The following PKM variants were observed in gnomAD, a reference collection of about 807,000 sequenced individuals.
PKM encodes the protein pyruvate kinase M1/2, also known as pyruvate kinase PKM.
A neutral mutation model predicts 49.8 loss-of-function variants in PKM; 18 were observed. The ratio of observed to expected loss-of-function variants is 0.36; its 90% CI spans 0.25 to 0.54. The LOEUF (loss-of-function observed/expected upper bound fraction) is 0.54, where lower values mean the gene tolerates loss of function less well. Ranked by LOEUF, PKM falls within the 20% of genes least tolerant of loss-of-function variation. The pLI is 0.89. For missense variants in PKM, 508 were observed against 713.8 expected, an observed-to-expected ratio of 0.71 and a Z score of 3.28; for synonymous variants, 239 against 261.8, an observed-to-expected ratio of 0.91 and a Z score of 0.84.
intron 3 of PKM, among the ~76,000 whole-genome samples, chr15:72,217,145 T>G (rs899381609): frequency 2.6e-5 from 4 of 152,178 alleles, no homozygotes; most frequent in African/African-American, 9.7e-5. Flanking sequence ...TATCTTCCTT[T>G]GTAAAAGCTA....
chr15:72,221,312 G>C, intron 1 of PKM: 1 of 1,381,738 alleles, frequency 7.2e-7, no homozygotes, highest in Non-Finnish European at 9.9e-7. Flanking sequence ...AAAAAGCTGA[G>C]TGTAACTAAA....
At chr15:72,221,212 T>C in intron 1 of PKM, 9 of 1,535,380 alleles carry the variant, frequency 5.9e-6, no homozygotes, top group Non-Finnish European at 7.8e-6. Flanking sequence ...AATGCTCCCC[T>C]TTTGGCTCAG....
chr15:72,212,797 C>T (rs1279572512), intron 3 of PKM, among the ~76,000 whole-genome samples: 3 of 152,110 alleles, frequency 2.0e-5, no homozygotes, highest in Non-Finnish European at 2.9e-5. Flanking sequence ...TCAGGCCAGG[C>T]GCAGTGGCTC....
intron 3 of PKM, among the ~76,000 whole-genome samples, chr15:72,212,894 AC>A (rs1025258995): frequency 6.6e-6 from 1 of 152,040 alleles, no homozygotes; most frequent in East Asian, 1.9e-4. Context: ...ACATGGTGAA[AC>A]CCCGTCTCTA....
intron 8 of PKM, among the ~76,000 whole-genome samples, chr15:72,205,766 T>C (rs2082061570): frequency 6.6e-6 from 1 of 150,810 alleles, no homozygotes; most frequent in African/African-American, 2.4e-5. Flanking sequence ...AGGAAAACCA[T>C]ATCTGGATAA....
intron 1 of PKM, among the ~76,000 whole-genome samples, chr15:72,229,019 G>A (rs2082766414): frequency 6.6e-6 from 1 of 152,178 alleles, no homozygotes; most frequent in South Asian, 2.1e-4. Context: ...CAAGCAGAGA[G>A]TTGGAAAGTT....
intron 1 of PKM, among the ~76,000 whole-genome samples, chr15:72,225,396 G>T (rs2082641200): frequency 6.6e-6 from 1 of 151,722 alleles, no homozygotes; most frequent in Non-Finnish European, 1.5e-5. Flanking sequence ...TGCCCAGGCT[G>T]GTCTCGACCT....
At chr15:72,212,600 T>C (rs1032572195) in intron 3 of PKM, among the ~76,000 whole-genome samples, 4 of 152,178 alleles carry the variant, frequency 2.6e-5, no homozygotes, top group African/African-American at 4.8e-5. Context: ...ACAAAGTACA[T>C]GGTAATTATC....
chr15:72,208,624 C>T lies in PKM; in HGVS notation c.833G>A (p.Arg278Gln), dbSNP rs147032160. ...ISKIENHEGVRRFDEILEASD... is the reference protein window; with the variant it reads ...ISKIENHEGVQRFDEILEASD... ...AGCAGGGACAACGGGGACTTGCCTC[C>T]GAACCCCCTCATGATTCTCGATTTT... The change falls in exon 6 of 11, where the codon CGG becomes CAG. Residue 278 changes from arginine (R) to glutamine (Q), a missense_variant. Physicochemically the swap from Arg to Gln is conservative, Grantham distance 43. Transcript: ENST00000335181. 125 of 1,613,872 alleles carry T rather than the reference C, an allele frequency of 7.7e-5. No individual in the cohort carries two copies. Among genetic ancestry groups the T allele is most frequent in the Non-Finnish European group, 8.3e-5 (98 of 1,179,996 alleles).
At chr15:72,218,510 C>A (rs1461805930) in intron 2 of PKM, among the ~76,000 whole-genome samples, 1 of 152,034 alleles carries the variant, frequency 6.6e-6, no homozygotes, top group African/African-American at 2.4e-5. Flanking sequence ...CAACTTCAAT[C>A]TCCTGGACTC....
chr15:72,218,897 C>A, intron 2 of PKM, 47 bp downstream of exon 2: 1 of 1,598,314 alleles, frequency 6.3e-7, no homozygotes, highest in South Asian at 1.1e-5. Flanking sequence ...AGAGAAAGGT[C>A]ACTGCCCATG....
Position 72,206,832 on chromosome 15 carries a change from T to C in PKM, c.1036A>G (p.Ser346Gly). 3 of 1,614,174 alleles carry C rather than the reference T, an allele frequency of 1.9e-6. No individual in the cohort carries two copies. Among genetic ancestry groups the C allele is most frequent in the Non-Finnish European group, 2.5e-6 (3 of 1,180,006 alleles). ...KKPRPTRAEGSDVANAVLDGA... is the reference protein window; with the variant it reads ...KKPRPTRAEGGDVANAVLDGA... ...TCCAGGACTGCATTGGCCACATCAC[T>C]GCCTTCAGCCCGAGTGGGGCGGGGC... The change falls in exon 8 of 11, where the codon AGT becomes GGT. Residue 346 changes from serine (S) to glycine (G), a missense_variant. Coordinates refer to ENST00000335181, the MANE Select transcript of PKM (RefSeq NM_002654.6).
At chr15:72,227,659 T>C (rs781634738) in intron 1 of PKM, among the ~76,000 whole-genome samples, 1 of 142,612 alleles carries the variant, frequency 7.0e-6, no homozygotes, top group Non-Finnish European at 1.5e-5. Flanking sequence ...GGCAGGAGAA[T>C]TGCTTGAACC....
At chr15:72,219,236 G>A (rs927817298) in intron 1 of PKM, 126 bp from the exon 2 acceptor site, 1 of 830,322 alleles carries the variant, frequency 1.2e-6, no homozygotes, top group Non-Finnish European at 1.9e-6. Context: ...AAGCCACAGG[G>A]AAGCCAGACA....
intron 1 of PKM, among the ~76,000 whole-genome samples, chr15:72,223,351 G>T (rs563888678): frequency 6.6e-6 from 1 of 152,024 alleles, no homozygotes; most frequent in Non-Finnish European, 1.5e-5. Context: ...ATTATGCTCC[G>T]ATACCAACCT....
intron 1 of PKM, among the ~76,000 whole-genome samples, chr15:72,222,087 C>A (rs1180340318): frequency 1.3e-5 from 2 of 152,188 alleles, no homozygotes; most frequent in South Asian, 2.1e-4. Context: ...ATGCCATTAG[C>A]AGATAAAATT....
At chr15:72,205,570 C>A (rs2140627356) in intron 8 of PKM, among the ~76,000 whole-genome samples, 1 of 149,428 alleles carries the variant, frequency 6.7e-6, no homozygotes, top group East Asian at 2.0e-4. Flanking sequence ...AGCCCAGTAA[C>A]AGGATACATA....
chr15:72,217,870 T>TACA (rs1309293390), intron 2 of PKM, among the ~76,000 whole-genome samples: 1 of 152,244 alleles, frequency 6.6e-6, no homozygotes, highest in African/African-American at 2.4e-5. Flanking sequence ...AAAGACCTGC[T>TACA]AAGGAAAACA....
chr15:72,210,248 A>T, intron 4 of PKM, 99 bp downstream of exon 4: 11 of 1,250,276 alleles, frequency 8.8e-6, no homozygotes, highest in Non-Finnish European at 1.3e-5. Flanking sequence ...AGTCCTTCAT[A>T]GTACTGGGAA....
Sources: allele counts gnomAD v4.1 joint callset (sites outside exome capture counted in the v4.1 genomes callset), GRCh38; gene constraint gnomAD v4.1.1; transcripts MANE v1.5; gene names NCBI Gene and HGNC (gene_info 2026-07-23, HGNC 2026-07-21).